Variants in MYT1L observed in about 807,000 individuals in gnomAD.
MYT1L encodes myelin transcription factor 1 like, also known as myelin transcription factor 1-like protein.
Under a neutral mutation model 126.7 loss-of-function variants are expected in MYT1L, and 12 were observed. The observed-to-expected ratio is 0.09, with a 90% CI of 0.06 to 0.15. The LOEUF (loss-of-function observed/expected upper bound fraction) is 0.15. Ranked by LOEUF, MYT1L falls within the 10% of genes least tolerant of loss-of-function variation. The pLI, the probability that MYT1L is intolerant of heterozygous loss-of-function variation, is 1.00. For synonymous variants in MYT1L, 541 were observed against 604.2 expected (o/e 0.90, Z 1.53); for missense variants, 979 against 1,585.2 (o/e 0.62, Z 6.49).
intron 4 of MYT1L, among the ~76,000 whole-genome samples, chr2:2,004,439 T>C (rs1249011934): frequency 6.7e-6 from 1 of 150,312 alleles, no homozygotes; most frequent in African/African-American, 2.5e-5. Flanking sequence ...GCATGCGTTC[T>C]TTCCTGCAGG....
At chr2:1,868,769 C>T (rs897066135) in intron 18 of MYT1L, among the ~76,000 whole-genome samples, 3 of 152,172 alleles carry the variant, frequency 2.0e-5, no homozygotes, top group Non-Finnish European at 4.4e-5. Flanking sequence ...GCTCCCTCCT[C>T]CCCCCTCCTC....
At chr2:2,086,740 G>T (rs541486931) in intron 3 of MYT1L, among the ~76,000 whole-genome samples, 2 of 152,248 alleles carry the variant, frequency 1.3e-5, no homozygotes, top group South Asian at 4.1e-4. Flanking sequence ...CACACAAAGG[G>T]CTTGTTTACG....
At chr2:1,797,359 G>T (rs967408183) in intron 23 of MYT1L, among the ~76,000 whole-genome samples, 1 of 152,234 alleles carries the variant, frequency 6.6e-6, no homozygotes, top group Admixed American at 6.5e-5. Context: ...GAGTACCTGG[G>T]ACTACAGGCG....
chr2:2,249,694 A>G (rs1271442979), intron 2 of MYT1L, among the ~76,000 whole-genome samples: 1 of 152,132 alleles, frequency 6.6e-6, no homozygotes, highest in Non-Finnish European at 1.5e-5. Context: ...TCAAGTAAAA[A>G]AGCTTCTTCA....
At chr2:1,944,816 T>C (rs901238001) in intron 8 of MYT1L, among the ~76,000 whole-genome samples, 12 of 152,332 alleles carry the variant, frequency 7.9e-5, no homozygotes, top group African/African-American at 2.9e-4. Context: ...TGGCATGTCA[T>C]AGACACTCAA....
intron 4 of MYT1L, among the ~76,000 whole-genome samples, chr2:2,000,258 A>G (rs539203712): frequency 3.0e-4 from 45 of 152,038 alleles, no homozygotes; most frequent in African/African-American, 1.1e-3. Context: ...TGCGGCCACA[A>G]CCTGGTGCAC....
At position 2,169,657 on chromosome 2, in the gene MYT1L, T is replaced by C. The variant is rs190983037; in HGVS notation, c.-304+3215A>G. Reference sequence around the variant, plus strand: ...TTTTTTTTAAATTCACATGTTTACATTTTTGTTTTGTAGTTGCAGAGGATG... The same window carrying C: ...TTTTTTTTAAATTCACATGTTTACACTTTTGTTTTGTAGTTGCAGAGGATG... On this transcript the variant is annotated intron_variant, in intron 3 of 24. Coordinates refer to ENST00000647738, the MANE Select transcript of MYT1L (RefSeq NM_001303052.2). Among the ~76,000 whole-genome samples, 600 of 151,678 alleles carry C rather than the reference T, an allele frequency of 4.0e-3. 4 individuals carry two copies. Among genetic ancestry groups the C allele is most frequent in the African/African-American group, 0.014 (572 of 41,514 alleles).
intron 3 of MYT1L, among the ~76,000 whole-genome samples, chr2:2,100,496 G>A (rs72767373): frequency 0.043 from 6,548 of 152,154 alleles, 215 homozygotes; most frequent in Non-Finnish European, 0.066. Flanking sequence ...AGGAGGAGGC[G>A]ATACCCTTTC....
intron 9 of MYT1L, among the ~76,000 whole-genome samples, chr2:1,934,856 G>A (rs1194075064): frequency 6.6e-6 from 1 of 151,996 alleles, no homozygotes; most frequent in Non-Finnish European, 1.5e-5. Context: ...GTCAGTGCTC[G>A]GAACCCGGGG....
intron 9 of MYT1L, among the ~76,000 whole-genome samples, chr2:1,939,817 T>C (rs964947406): frequency 6.6e-6 from 1 of 152,212 alleles, no homozygotes; most frequent in African/African-American, 2.4e-5. Flanking sequence ...GCAGGTGACG[T>C]TGGCTAAATG....
intron 4 of MYT1L, among the ~76,000 whole-genome samples, chr2:2,000,519 T>C (rs1432601132): frequency 3.3e-5 from 5 of 152,172 alleles, no homozygotes. Flanking sequence ...CTCCCTGGGC[T>C]GGGCAGGTCC....
chr2:2,253,963 G>A (rs1017205865), intron 2 of MYT1L, among the ~76,000 whole-genome samples: 4 of 152,130 alleles, frequency 2.6e-5, no homozygotes, highest in Admixed American at 6.5e-5. Flanking sequence ...TGGGAAAAAT[G>A]CTCCAAAATA....
chr2:1,815,241 C>T (rs7569114), intron 21 of MYT1L, among the ~76,000 whole-genome samples: 6,379 of 152,238 alleles, frequency 0.042, 153 homozygotes, highest in East Asian at 0.067. Context: ...GGCCCCTCTG[C>T]GGCTGGGCTT....
intron 15 of MYT1L, among the ~76,000 whole-genome samples, chr2:1,891,380 G>A (rs2048856736): frequency 6.6e-6 from 1 of 152,112 alleles, no homozygotes; most frequent in Non-Finnish European, 1.5e-5. Flanking sequence ...GGTGGCCTCG[G>A]CGAGGCAGCT....
rs1163376186 is a variant in MYT1L at position 1,793,772 on chromosome 2, C to T, written c.3277-1308G>A. On this transcript the variant is annotated intron_variant, in intron 23 of 24. Transcript: ENST00000647738. The surrounding 1 kb of genome is among the most constrained non-coding windows in gnomAD (Gnocchi z 4.6). ...ACACAGATTTATTTCCATGCACGTC[C>T]TGGGTGACCTTCTCATTCGTGTTCT... Among the ~76,000 whole-genome samples, 1 of 152,188 alleles carries T rather than the reference C, an allele frequency of 6.6e-6. No homozygotes were observed. The highest frequency in any genetic ancestry group is 1.5e-5 in the Non-Finnish European group (1 of 68,042).
At position 2,077,964 on chromosome 2, in the gene MYT1L, C is replaced by T. The variant is rs544734277; in HGVS notation, c.-303-23841G>A. On this transcript the variant is annotated intron_variant, in intron 3 of 24. Transcript: ENST00000647738. ...TTCTTCTATACGTTTTAAAAGACAG[C>T]GGCAGAAATCAATAATTATAAAACT... Among the ~76,000 whole-genome samples, 44 of 152,026 alleles carry T rather than the reference C, an allele frequency of 2.9e-4. No homozygotes were observed. The South Asian group carries it at 5.4e-3, about 19-fold the overall frequency.
At chr2:2,100,152 A>C (rs534494651) in intron 3 of MYT1L, among the ~76,000 whole-genome samples, 1 of 152,162 alleles carries the variant, frequency 6.6e-6, no homozygotes, top group Non-Finnish European at 1.5e-5. Flanking sequence ...GATGTATGTT[A>C]TTTATACATC....
intron 21 of MYT1L, among the ~76,000 whole-genome samples, chr2:1,834,767 G>T (rs1256644359): frequency 1.3e-5 from 2 of 151,904 alleles, no homozygotes; most frequent in Non-Finnish European, 2.9e-5. Flanking sequence ...TGTGAATACA[G>T]GTACTCCTCC....
chr2:2,265,605 C>A (rs369021250), intron 2 of MYT1L, among the ~76,000 whole-genome samples: 1 of 152,014 alleles, frequency 6.6e-6, no homozygotes, highest in Non-Finnish European at 1.5e-5. Flanking sequence ...GGTGCACCCG[C>A]GGCATGGGAA....
Sources: allele counts gnomAD v4.1 joint callset (sites outside exome capture counted in the v4.1 genomes callset), GRCh38; gene constraint gnomAD v4.1.1; non-coding constraint Gnocchi (gnomAD v3.1); transcripts MANE v1.5; gene names NCBI Gene and HGNC (gene_info 2026-07-23, HGNC 2026-07-21).